PEMT: variants seen among roughly 807,000 people sequenced by gnomAD.
PEMT encodes phosphatidylethanolamine N-methyltransferase.
Under a neutral mutation model 27.4 loss-of-function variants are expected in PEMT, and 23 were observed. The observed-to-expected ratio is 0.84, with a 90% CI of 0.60 to 1.19. The LOEUF (loss-of-function observed/expected upper bound fraction) is 1.19. PEMT is among the 50% of genes most tolerant of loss of function. The pLI is 0.00. For synonymous variants in PEMT, 137 were observed against 139.1 expected (o/e 0.98, Z 0.11); for missense variants, 307 against 310.1 (o/e 0.99, Z 0.07).
At position 17,523,776 on chromosome 17, in the gene PEMT, G is replaced by T. The variant is rs561089813; in HGVS notation, c.205-1381C>A. ...AGAGGAGCAGTCTGCAGAGAGCACC[G>T]CGGGGGCCCAGGACCACAGCCTGCT... is the stretch of plus-strand genomic sequence containing the variant. On this transcript the variant is annotated intron_variant, in intron 2 of 6. Transcript: ENST00000255389. This position sits in a 1 kb window ranked among gnomAD's most constrained non-coding sequence, Gnocchi z 4.8. Among the ~76,000 whole-genome samples the T allele has an allele frequency of 7.2e-4, 109 of 152,280 alleles. No homozygotes were observed. The highest frequency in any genetic ancestry group is 1.2e-3 in the Non-Finnish European group (85 of 68,018).
At chr17:17,583,857 G>A (rs1186913614) in intron 1 of PEMT, among the ~76,000 whole-genome samples, 1 of 152,230 alleles carries the variant, frequency 6.6e-6, no homozygotes, top group East Asian at 1.9e-4. Context: ...GGCAGGAGGG[G>A]TGGAAGTTAG....
At chr17:17,532,674 T>C (rs1022169547) in intron 2 of PEMT, among the ~76,000 whole-genome samples, 3 of 152,204 alleles carry the variant, frequency 2.0e-5, no homozygotes, top group Non-Finnish European at 4.4e-5. Flanking sequence ...AACATCCATA[T>C]GGATATTTAA....
rs1912353087 is a variant in PEMT at position 17,587,046 on chromosome 17, C to T, written c.96+4485G>A. ...ATTAGAGAAAGAGGAATGAGTTAAA[C>T]CCAAAGGAGGCAGGACAAAAAATTA... On this transcript the variant is annotated intron_variant, in intron 1 of 6. Transcript: ENST00000255389. 2.6e-5 allele frequency among the ~76,000 whole-genome samples: 4 copies of T among 151,722 alleles called. No individual in the cohort carries two copies. The South Asian group carries it at 8.3e-4, about 32-fold the overall frequency.
At chr17:17,510,701 C>T (rs70965403) in intron 4 of PEMT, among the ~76,000 whole-genome samples, 160 of 152,330 alleles carry the variant, frequency 1.1e-3, no homozygotes, top group African/African-American at 3.8e-3. Flanking sequence ...CTGGCAGGGC[C>T]GCCAGGAGGC....
At chr17:17,563,131 C>T (rs1374574223) in intron 2 of PEMT, among the ~76,000 whole-genome samples, 3 of 152,158 alleles carry the variant, frequency 2.0e-5, no homozygotes, top group South Asian at 2.1e-4. Context: ...GGAGGGTGGG[C>T]GCTAGGGGTG....
In PEMT at chr17:17,558,737, T is replaced by G. The variant is rs377270039; in HGVS notation, c.204+18183A>C. Among the ~76,000 whole-genome samples the G allele has an allele frequency of 1.1e-4, 16 of 148,824 alleles. No individual in the cohort carries two copies. The East Asian group carries it at 2.0e-3, about 18-fold the overall frequency. ...GCAGCAGAGTGGACCGGAGCCTGGC[T>G]TGACAACGGGTTTGTAGTGATTTCT... On this transcript the variant is annotated intron_variant, in intron 2 of 6. Coordinates refer to ENST00000255389, the MANE Select transcript of PEMT (RefSeq NM_148172.3).
intron 2 of PEMT, among the ~76,000 whole-genome samples, chr17:17,564,015 G>A (rs778832315): frequency 2.6e-5 from 4 of 151,344 alleles, no homozygotes; most frequent in Non-Finnish European, 5.9e-5. Context: ...TTTAGGCCTG[G>A]CTGTCCCCTA....
At chr17:17,550,543 C>A (rs551172055) in intron 2 of PEMT, among the ~76,000 whole-genome samples, 31 of 152,320 alleles carry the variant, frequency 2.0e-4, no homozygotes, top group African/African-American at 7.0e-4. Context: ...AGTTCAAAAC[C>A]AAACAAGAAC....
chr17:17,544,904 A>G (rs1241543342), intron 2 of PEMT, among the ~76,000 whole-genome samples: 1 of 152,154 alleles, frequency 6.6e-6, no homozygotes, highest in Non-Finnish European at 1.5e-5. Flanking sequence ...CAGCATTCTT[A>G]CCAAGGGACC....
At chr17:17,533,382 T>G (rs1221891416) in intron 2 of PEMT, among the ~76,000 whole-genome samples, 1 of 152,180 alleles carries the variant, frequency 6.6e-6, no homozygotes, top group Non-Finnish European at 1.5e-5. Flanking sequence ...ATAAAACTCT[T>G]AGAAGAAAAC....
At chr17:17,535,987 G>T (rs1035465582) in intron 2 of PEMT, among the ~76,000 whole-genome samples, 3 of 152,180 alleles carry the variant, frequency 2.0e-5, no homozygotes, top group Non-Finnish European at 4.4e-5. Flanking sequence ...GAGGGCCTTG[G>T]TCCAGTGTCT....
In PEMT at chr17:17,548,417, T is replaced by G. The variant is rs576292434; in HGVS notation, c.205-26022A>C. ...CAGGGGTCTGGGGGAGGAAGAGGGA[T>G]TCCAAAGCTCTAGGCTGCACTGGAG... On this transcript the variant is annotated intron_variant, in intron 2 of 6. Coordinates refer to ENST00000255389, the MANE Select transcript of PEMT (RefSeq NM_148172.3). 3.3e-5 allele frequency among the ~76,000 whole-genome samples: 5 copies of G among 152,264 alleles called. No homozygotes were observed. The South Asian group carries it at 8.3e-4, about 25-fold the overall frequency.
rs1906517910 is a variant in PEMT, at chr17:17,512,763, T to C, written c.321-109A>G. The stretch of plus-strand genomic sequence containing the variant: ...CCTCTCCCCAGGGACCCTTAGAGAG[T>C]AGCCAGCCCAGGGCTGCCAGGCCAG... On this transcript the variant is annotated intron_variant, in intron 3 of 6. Transcript: ENST00000255389. This position sits in a 1 kb window ranked among gnomAD's most constrained non-coding sequence, Gnocchi z 6.3. 3.6e-6 allele frequency: 4 copies of C among 1,114,012 alleles called. No homozygotes were observed. The highest frequency in any genetic ancestry group is 4.7e-6 in the Non-Finnish European group (4 of 851,998). 69.0% of individuals were successfully genotyped at this position (1,114,012 alleles called of 1,614,324 possible). A position where few individuals can be genotyped will look rare whatever the true frequency, so the allele number is the denominator to read the frequency against.
chr17:17,525,838 C>T (rs1392680307), intron 2 of PEMT, among the ~76,000 whole-genome samples: 1 of 152,124 alleles, frequency 6.6e-6, no homozygotes, highest in Non-Finnish European at 1.5e-5. Flanking sequence ...ATTAAAAATA[C>T]AAAAATTTAG....
chr17:17,536,230 T>A (rs1200423599), intron 2 of PEMT, among the ~76,000 whole-genome samples: 1 of 152,212 alleles, frequency 6.6e-6, no homozygotes, highest in African/African-American at 2.4e-5. Context: ...GGACGTCCGA[T>A]AGTGTGCCTC....
intron 4 of PEMT, among the ~76,000 whole-genome samples, chr17:17,510,146 G>A (rs1009894316): frequency 1.3e-5 from 2 of 152,160 alleles, no homozygotes; most frequent in East Asian, 1.9e-4. Flanking sequence ...CAGCTGCCCA[G>A]AGGAGCTAGA....
chr17:17,509,359 C>A (rs1395170482), intron 5 of PEMT, 75 bp downstream of exon 5: 1 of 949,462 alleles, frequency 1.1e-6, no homozygotes, highest in Non-Finnish European at 1.7e-6. Context: ...GCCCTGGCCC[C>A]CGCGTCCTGA....
chr17:17,527,019 G>T lies in PEMT; in HGVS notation c.205-4624C>A, dbSNP rs1315670996. Among the ~76,000 whole-genome samples, 3 of 152,028 alleles carry T rather than the reference G, an allele frequency of 2.0e-5. No individual in the cohort carries two copies. In the East Asian group the frequency reaches 5.8e-4, roughly 29 times the overall value. On this transcript the variant is annotated intron_variant, in intron 2 of 6. Transcript: ENST00000255389. ...TCCTACGCATCCTTGAAGTGAGGCC[G>T]CAGAAAGTCGAGTTTTTTATTTTTG...
intron 2 of PEMT, among the ~76,000 whole-genome samples, chr17:17,574,876 C>T (rs8076828): frequency 0.023 from 3,538 of 152,270 alleles, 120 homozygotes; most frequent in East Asian, 0.1. Context: ...GGACCTCCTC[C>T]GGCTGTAAGA....
Sources: allele counts gnomAD v4.1 joint callset (sites outside exome capture counted in the v4.1 genomes callset), GRCh38; gene constraint gnomAD v4.1.1; non-coding constraint Gnocchi (gnomAD v3.1); transcripts MANE v1.5; gene names NCBI Gene and HGNC (gene_info 2026-07-23, HGNC 2026-07-21).